Variants in ZFR2 observed in about 807,000 individuals in gnomAD.
ZFR2 encodes the protein zinc finger RNA-binding protein 2.
A neutral mutation model predicts 105.7 loss-of-function variants in ZFR2; 104 were observed. The ratio of observed to expected loss-of-function variants is 0.98; its 90% CI spans 0.84 to 1.16. The LOEUF is 1.16. ZFR2 is among the 50% of genes most tolerant of loss of function. ZFR2 has a pLI of 0.00. For missense variants in ZFR2, 1,425 were observed against 1,355.5 expected, an observed-to-expected ratio of 1.05 and a Z score of -0.80; for synonymous variants, 634 against 597.7, an observed-to-expected ratio of 1.06 and a Z score of -0.89.
At chr19:3,821,701 C>T (rs1397399846) in intron 9 of ZFR2, among the ~76,000 whole-genome samples, 4 of 149,754 alleles carry the variant, frequency 2.7e-5, no homozygotes, top group Non-Finnish European at 5.9e-5. Flanking sequence ...GCAACCTCCG[C>T]CTCCCGGGTT....
intron 17 of ZFR2, among the ~76,000 whole-genome samples, chr19:3,807,767 T>C (rs539468280): frequency 1.3e-5 from 2 of 151,166 alleles, no homozygotes; most frequent in South Asian, 4.2e-4. Context: ...TGTCCATGTG[T>C]GTGCCCATGC....
In ZFR2 at chr19:3,823,200, G is replaced by A; in HGVS notation, c.1371+46C>T. 1 of 1,612,686 alleles carries A rather than the reference G, an allele frequency of 6.2e-7. No individual in the cohort carries two copies. Among genetic ancestry groups the A allele is most frequent in the South Asian group, 1.1e-5 (1 of 91,008 alleles). On this transcript the variant is annotated intron_variant, in intron 8 of 18. Coordinates refer to ENST00000262961, the MANE Select transcript of ZFR2 (RefSeq NM_015174.2). The surrounding 1 kb of genome is among the most constrained non-coding windows in gnomAD (Gnocchi z 5.4). ...GGTCTCGAAGCCTGATCCATGGGAA[G>A]GTCCTTCCCTGACCGGGGCACCAGG... is the stretch of plus-strand genomic sequence containing the variant.
intron 1 of ZFR2, chr19:3,852,542 G>T: frequency 2.8e-6 from 2 of 718,596 alleles, no homozygotes; most frequent in Non-Finnish European, 2.6e-6. Context: ...CACTTCCACT[G>T]CAGCCAACTG....
At chr19:3,821,604 C>CTTTT (rs56275505) in intron 9 of ZFR2, 125 bp from the exon 10 acceptor site, 31 of 248,428 alleles carry the variant, frequency 1.2e-4, no homozygotes, top group South Asian at 1.0e-3. Flanking sequence ...CTCCCAAAGC[C>CTTTT]TTTTTTTTTT....
chr19:3,809,022 C>T (rs868343283), intron 16 of ZFR2, 39 bp from the exon 17 acceptor site: 24 of 1,473,174 alleles, frequency 1.6e-5, no homozygotes, highest in Non-Finnish European at 2.2e-5. Context: ...GTTTTGGGCG[C>T]GCGGCAGCCC....
In ZFR2 at chr19:3,834,692, G is replaced by C. The variant is rs1439336789; in HGVS notation, c.264+81C>G. The C allele has an allele frequency of 7.2e-7, 1 of 1,396,790 alleles. No individual in the cohort carries two copies. Among genetic ancestry groups the C allele is most frequent in the East Asian group, 2.4e-5 (1 of 41,866 alleles). 86.5% of individuals were successfully genotyped at this position (1,396,790 alleles called of 1,614,324 possible). A position where few individuals can be genotyped will look rare whatever the true frequency, so the allele number is the denominator to read the frequency against. On this transcript the variant is annotated intron_variant, in intron 2 of 18. Coordinates refer to ENST00000262961, the MANE Select transcript of ZFR2 (RefSeq NM_015174.2). The surrounding 1 kb of genome is among the most constrained non-coding windows in gnomAD (Gnocchi z 5.3). ...GTTAAGAGGCCTGGGAGAAGGAGTA[G>C]CTGTGGGAAGCCCACCGCTCTCACC...
At chr19:3,820,701 CAG>C (rs148103486) in intron 10 of ZFR2, among the ~76,000 whole-genome samples, 3,074 of 149,398 alleles carry the variant, frequency 0.021, 107 homozygotes, top group African/African-American at 0.072. Flanking sequence ...CAAGGGGACT[CAG>C]GGGATACCAA....
rs756851786 is a variant in ZFR2 at position 3,812,092 on chromosome 19, C to T, written c.2243-726G>A. Among the ~76,000 whole-genome samples the T allele has an allele frequency of 4.8e-4, 73 of 152,048 alleles. 3 individuals are homozygous for T. Among genetic ancestry groups the T allele is most frequent in the Admixed American group, 3.9e-3 (60 of 15,276 alleles). On this transcript the variant is annotated intron_variant, in intron 14 of 18. Coordinates refer to ENST00000262961, the MANE Select transcript of ZFR2 (RefSeq NM_015174.2). The stretch of plus-strand genomic sequence containing the variant: ...CTGAGTAGCTGGGATTACCGGCGCA[C>T]GCCACCACGCCCAGCTAATTTTTAT...
chr19:3,863,945 G>C (rs747616555), intron 1 of ZFR2, among the ~76,000 whole-genome samples: 8 of 152,164 alleles, frequency 5.3e-5, no homozygotes, highest in Non-Finnish European at 1.2e-4. Flanking sequence ...GTCAGTATCA[G>C]GTGCCCGGGA....
Position 3,821,466 on chromosome 19 carries a change from G to A in ZFR2, c.1505C>T (p.Pro502Leu), listed in dbSNP as rs371062326. The stretch of plus-strand genomic sequence containing the variant: ...GGGCTCCGTGGCAATGGGAAGGTCC[G>A]GGTTCACTTTCTTCTGGAAAGGACA... The part of the protein sequence containing the change: ...HRLQYRKKVN[P>L]DLPIATEPSS... The change falls in exon 10 of 19, where the codon CCG becomes CTG. Residue 502 changes from proline (P) to leucine (L), a missense_variant. Physicochemically the swap from Pro to Leu is moderately conservative, Grantham distance 98. Coordinates refer to ENST00000262961, the MANE Select transcript of ZFR2 (RefSeq NM_015174.2). 2.7e-5 allele frequency: 44 copies of A among 1,603,644 alleles called. No homozygotes were observed. The highest frequency in any genetic ancestry group is 3.3e-4 in the Middle Eastern group (2 of 6,030).
Position 3,819,235 on chromosome 19 carries a change from G to T in ZFR2, c.1741C>A (p.Pro581Thr), listed in dbSNP as rs768130769. The change falls in exon 12 of 19, where the codon CCC becomes ACC. Residue 581 changes from proline (P) to threonine (T), a missense_variant and splice_region_variant. By Grantham distance (38) the Pro-to-Thr change is conservative. Coordinates refer to ENST00000262961, the MANE Select transcript of ZFR2 (RefSeq NM_015174.2). Reference sequence around the variant, plus strand: ...TCGCTGGACGCCGGCCGCCGCCCGGGCTGTGGGGAGAGGCCGCACGTGTCA... The same window carrying T: ...TCGCTGGACGCCGGCCGCCGCCCGGTCTGTGGGGAGAGGCCGCACGTGTCA... ...PESPASAPLQ[P>T]GRRPASSDDR... The T allele has an allele frequency of 4.6e-6, 7 of 1,535,416 alleles. No individual in the cohort carries two copies. Among genetic ancestry groups the T allele is most frequent in the Middle Eastern group, 2.2e-4 (1 of 4,618 alleles).
chr19:3,860,769 CA>C (rs1341303533), intron 1 of ZFR2, among the ~76,000 whole-genome samples: 3 of 152,144 alleles, frequency 2.0e-5, no homozygotes, highest in African/African-American at 7.2e-5. Context: ...TCTTGTGCAC[CA>C]AACTGGCCGA....
chr19:3,837,580 C>T (rs892561213), intron 1 of ZFR2, among the ~76,000 whole-genome samples: 2 of 150,618 alleles, frequency 1.3e-5, no homozygotes, highest in African/African-American at 4.9e-5. Context: ...CCAATGAACA[C>T]CGTGACCATG....
intron 1 of ZFR2, among the ~76,000 whole-genome samples, chr19:3,844,984 A>G (rs1122498): frequency 0.79 from 119,537 of 152,110 alleles, 47,384 homozygotes; most frequent in East Asian, 0.89. Flanking sequence ...CAAGTACCAC[A>G]GCTGGGTGGC....
chr19:3,807,594 CGT>C (rs61489902), intron 17 of ZFR2, among the ~76,000 whole-genome samples: 19,992 of 151,962 alleles, frequency 0.13, 1,644 homozygotes, highest in Admixed American at 0.28. Flanking sequence ...CGTGTGTGTC[CGT>C]GTGTGCACGT....
chr19:3,808,873 T>C lies in ZFR2; in HGVS notation c.2544A>G (p.Thr848=). ...LECVATGTLL[T]DGPGLQDPCE... ...GGGCCCTCCGGCCCAGCGACTGACC[T>C]GTCAGGAGCGTCCCTGTGGCCACGC... The change falls in exon 17 of 19, where the codon ACA becomes ACG. Residue 848 remains threonine (T), a splice_region_variant and synonymous_variant. Transcript: ENST00000262961. 6.5e-7 allele frequency: 1 copy of C among 1,547,524 alleles called. No individual in the cohort carries two copies. The highest frequency in any genetic ancestry group is 8.7e-7 in the Non-Finnish European group (1 of 1,148,554).
rs1178561791 is a variant in ZFR2, at chr19:3,822,185, C to T, written c.1387G>A (p.Gly463Arg). The change falls in exon 9 of 19, where the codon GGG becomes AGG. Residue 463 changes from glycine to arginine, a missense_variant. Transcript: ENST00000262961. Reference protein sequence around the residue: ...EYVEEVFSDEGRVLRFHCKLC... With the variant: ...EYVEEVFSDERRVLRFHCKLC... Reference sequence around the variant, plus strand: ...TTGCAGTGGAAGCGAAGCACTCGCCCTTCGTCGCTGAACACCTGAGACACA... The same window carrying T: ...TTGCAGTGGAAGCGAAGCACTCGCCTTTCGTCGCTGAACACCTGAGACACA... 1 of 1,597,990 alleles carries T rather than the reference C, an allele frequency of 6.3e-7. No homozygotes were observed. Among genetic ancestry groups the T allele is most frequent in the Non-Finnish European group, 8.5e-7 (1 of 1,172,916 alleles).
Position 3,821,423 on chromosome 19 carries a change from C to A in ZFR2, c.1548G>T (p.Lys516Asn), listed in dbSNP as rs995208499. 1 of 1,610,724 alleles carries A rather than the reference C, an allele frequency of 6.2e-7. No homozygotes were observed. The highest frequency in any genetic ancestry group is 8.5e-7 in the Non-Finnish European group (1 of 1,178,342). The change falls in exon 10 of 19, where the codon AAG becomes AAT. Residue 516 changes from lysine (K) to asparagine (N), a missense_variant. Coordinates refer to ENST00000262961, the MANE Select transcript of ZFR2 (RefSeq NM_015174.2). ...IATEPSSRAR[K>N]VLEERMRKQR... ...GCTTCCTCATGCGCTCCTCCAGGAC[C>A]TTCCGAGCCCGGCTGCTGGGCTCCG...
rs1459367415 is a variant in ZFR2, at chr19:3,831,830, T to A, written c.428A>T (p.His143Leu). 6.2e-7 allele frequency: 1 copy of A among 1,605,796 alleles called. No homozygotes were observed. Among genetic ancestry groups the A allele is most frequent in the East Asian group, 2.2e-5 (1 of 44,828 alleles). Residue 143 changes from histidine to leucine, a missense_variant, in exon 4 of 19, where the codon CAC becomes CTC. Coordinates refer to ENST00000262961, the MANE Select transcript of ZFR2 (RefSeq NM_015174.2). ...GQPSPHGSHS[H>L]AQPPQQAPIV... The stretch of plus-strand genomic sequence containing the variant: ...GGGCGCCTGCTGTGGGGGCTGAGCG[T>A]GGCTGTGACTGCCATGGGGGCTGGG...
Sources: allele counts gnomAD v4.1 joint callset (sites outside exome capture counted in the v4.1 genomes callset), GRCh38; gene constraint gnomAD v4.1.1; non-coding constraint Gnocchi (gnomAD v3.1); transcripts MANE v1.5; gene names NCBI Gene and HGNC (gene_info 2026-07-23, HGNC 2026-07-21).